Variants in NRXN1 observed in about 807,000 individuals in gnomAD.
NRXN1 encodes neurexin 1.
In NRXN1, 39 loss-of-function variants were observed where a neutral mutation model predicts 150.9. That is an observed-to-expected ratio of 0.26 (90% CI 0.20 to 0.34). NRXN1 has a LOEUF of 0.34. NRXN1 is among the 10% of genes least tolerant of loss of function. NRXN1 has a pLI of 1.00. For missense variants in NRXN1, 1,815 were observed against 1,949.9 expected, an observed-to-expected ratio of 0.93 and a Z score of 1.30; for synonymous variants, 924 against 757.0, an observed-to-expected ratio of 1.22 and a Z score of -3.62.
intron 17 of NRXN1, among the ~76,000 whole-genome samples, chr2:50,339,267 T>G (rs759604274): frequency 5.9e-5 from 9 of 152,162 alleles, no homozygotes; most frequent in African/African-American, 9.7e-5. Context: ...TCATAATGCT[T>G]TTACCAATTT....
intron 5 of NRXN1, among the ~76,000 whole-genome samples, chr2:50,713,932 G>A (rs1288212324): frequency 2.6e-5 from 4 of 152,046 alleles, no homozygotes; most frequent in African/African-American, 9.7e-5. Flanking sequence ...GTAAATCAGA[G>A]CATTGCTGAA....
At chr2:50,528,958 C>A in intron 11 of NRXN1, 1 of 303,500 alleles carries the variant, frequency 3.3e-6, no homozygotes, top group Non-Finnish European at 6.0e-6. Flanking sequence ...ACTTTCTCCC[C>A]ATCTGTGAAA....
chr2:50,785,505 C>T (rs1282961024), intron 5 of NRXN1, among the ~76,000 whole-genome samples: 1 of 152,102 alleles, frequency 6.6e-6, no homozygotes, highest in Non-Finnish European at 1.5e-5. Flanking sequence ...GCCTTGGCCT[C>T]CCAAAGTGCT....
chr2:50,203,318 G>A (rs1016627576), intron 18 of NRXN1, among the ~76,000 whole-genome samples: 21 of 152,154 alleles, frequency 1.4e-4, no homozygotes, highest in African/African-American at 4.3e-4. Context: ...AACAAACTCT[G>A]AAAAACCAAC....
chr2:50,851,810 C>T (rs1674559183), intron 5 of NRXN1, among the ~76,000 whole-genome samples: 1 of 152,086 alleles, frequency 6.6e-6, no homozygotes, highest in Admixed American at 6.6e-5. Flanking sequence ...TTCATCAGGC[C>T]CTCGAAAGGA....
intron 19 of NRXN1, among the ~76,000 whole-genome samples, chr2:50,060,699 T>C (rs1457549709): frequency 1.3e-5 from 2 of 152,142 alleles, no homozygotes; most frequent in African/African-American, 2.4e-5. Flanking sequence ...GGTGTTCTCA[T>C]ATAGTGAATA....
intron 17 of NRXN1, among the ~76,000 whole-genome samples, chr2:50,384,523 A>AAT (rs755872864): frequency 0.21 from 29,871 of 141,872 alleles, 3,835 homozygotes; most frequent in East Asian, 0.33. Context: ...AAAAAAAAAA[A>AAT]AAAAAAAAAA....
intron 17 of NRXN1, among the ~76,000 whole-genome samples, chr2:50,255,422 C>T (rs1343953876): frequency 6.6e-6 from 1 of 152,074 alleles, no homozygotes; most frequent in Non-Finnish European, 1.5e-5. Context: ...GATTAAAGTA[C>T]CAAATCAGAC....
chr2:50,935,142 C>T (rs923874087), intron 2 of NRXN1, among the ~76,000 whole-genome samples: 30 of 152,202 alleles, frequency 2.0e-4, no homozygotes, highest in Middle Eastern at 3.4e-3. Context: ...ATTTAAAAAG[C>T]GCCTTTCATC....
At chr2:50,905,123 G>A (rs1035660781) in intron 5 of NRXN1, among the ~76,000 whole-genome samples, 2 of 151,886 alleles carry the variant, frequency 1.3e-5, no homozygotes, top group African/African-American at 4.8e-5. Context: ...TCACAGTTCA[G>A]CCCACTTTTA....
At chr2:50,468,410 A>C (rs978948840) in intron 16 of NRXN1, among the ~76,000 whole-genome samples, 1 of 151,630 alleles carries the variant, frequency 6.6e-6, no homozygotes. Context: ...TTTGCCTGAC[A>C]AGACACATTT....
intron 2 of NRXN1, among the ~76,000 whole-genome samples, chr2:50,960,027 CA>C (rs1233153539): frequency 3.3e-5 from 5 of 151,864 alleles, no homozygotes; most frequent in Non-Finnish European, 7.4e-5. Flanking sequence ...ATCATTAAAA[CA>C]AAAACAAAGT....
Position 50,600,589 on chromosome 2 carries a change from T to C in NRXN1, c.1320+19433A>G, listed in dbSNP as rs1238205661. On this transcript the variant is annotated intron_variant, in intron 8 of 22. Transcript: ENST00000401669. ...ATCCACCTGCCTCAGCCTCCCAAAGTGCTGGGATTACAGGCATAAGCCATC... is the reference window on the plus strand; with the variant it reads ...ATCCACCTGCCTCAGCCTCCCAAAGCGCTGGGATTACAGGCATAAGCCATC... Among the ~76,000 whole-genome samples, 3 of 152,158 alleles carry C rather than the reference T, an allele frequency of 2.0e-5. No individual in the cohort carries two copies. The East Asian group carries it at 5.8e-4, about 29-fold the overall frequency.
At chr2:50,472,614 G>A (rs916261413) in intron 15 of NRXN1, 143 bp from the exon 16 acceptor site, 5 of 615,254 alleles carry the variant, frequency 8.1e-6, no homozygotes, top group African/African-American at 4.0e-5. Context: ...TCCCCAAAGT[G>A]CTAAACAATA....
chr2:50,517,815 T>C (rs1018484695), intron 12 of NRXN1, among the ~76,000 whole-genome samples: 3 of 152,136 alleles, frequency 2.0e-5, no homozygotes, highest in Non-Finnish European at 4.4e-5. Context: ...CTCAAGTGGA[T>C]GTGACCTTGG....
chr2:50,963,429 T>C (rs1176058029), intron 2 of NRXN1, among the ~76,000 whole-genome samples: 1 of 151,684 alleles, frequency 6.6e-6, no homozygotes, highest in African/African-American at 2.4e-5. Context: ...AGGAAAACTA[T>C]ATGTAGCAGT....
At chr2:50,462,822 A>G (rs2088373450) in intron 17 of NRXN1, among the ~76,000 whole-genome samples, 1 of 151,846 alleles carries the variant, frequency 6.6e-6, no homozygotes, top group East Asian at 1.9e-4. Flanking sequence ...ATTGTTAATT[A>G]TATCTCCAGG....
intron 5 of NRXN1, among the ~76,000 whole-genome samples, chr2:50,889,124 T>G (rs576989217): frequency 1.3e-5 from 2 of 151,694 alleles, no homozygotes; most frequent in Non-Finnish European, 3.0e-5. Flanking sequence ...GATTCGGTTT[T>G]GAAACATGGA....
chr2:50,761,662 TG>T (rs1355276219), intron 5 of NRXN1, among the ~76,000 whole-genome samples: 1 of 151,856 alleles, frequency 6.6e-6, no homozygotes, highest in African/African-American at 2.4e-5. Flanking sequence ...TGTAAAGTAT[TG>T]TTCCTGGGTG....
Sources: gnomAD v4.1 joint callset for allele counts (sites outside exome capture counted in the v4.1 genomes callset) on GRCh38, gnomAD v4.1.1 for gene constraint, MANE v1.5 for transcripts, NCBI Gene and HGNC (gene_info 2026-07-23, HGNC 2026-07-21) for gene names.